The following HKDC1 variants were observed in gnomAD, a reference collection of about 807,000 sequenced individuals.
HKDC1 encodes hexokinase domain containing 1, also known as hexokinase HKDC1.
Under a neutral mutation model 96.6 loss-of-function variants are expected in HKDC1, and 66 were observed. The observed-to-expected ratio is 0.68, with a 90% CI of 0.56 to 0.84. The LOEUF is 0.84. Ranked by LOEUF, HKDC1 falls within the 40% of genes least tolerant of loss-of-function variation. The pLI, the probability that HKDC1 is intolerant of heterozygous loss-of-function variation, is 0.00. For synonymous variants in HKDC1, 466 were observed against 473.1 expected (o/e 0.98, Z 0.20); for missense variants, 1,211 against 1,208.1 (o/e 1.00, Z -0.04).
rs143074395 is a variant in HKDC1 at position 69,257,417 on chromosome 10, C to A, written c.2023C>A (p.Leu675Met). The change falls in exon 14 of 18, where the codon CTG becomes ATG. Residue 675 changes from leucine (L) to methionine (M), a missense_variant. Transcript: ENST00000354624. ...GYEDPNCEIG[L>M]IAGTGSNMCY... ...TGAAGATCCTAATTGTGAGATTGGC[C>A]TGATTGCAGGTAGGTGGTCAGGCAT... The A allele has an allele frequency of 4.9e-5, 79 of 1,611,674 alleles. No individual in the cohort carries two copies. The African/African-American group carries it at 9.1e-4, about 18-fold the overall frequency.
intron 15 of HKDC1, among the ~76,000 whole-genome samples, 164 bp from the exon 16 acceptor site, chr10:69,260,975 T>A (rs1158528215): frequency 6.6e-6 from 1 of 152,170 alleles, no homozygotes; most frequent in Non-Finnish European, 1.5e-5. Flanking sequence ...CTCCCTGTTT[T>A]GTAGATGATA....
chr10:69,244,765 G>A (rs942294775), intron 7 of HKDC1, among the ~76,000 whole-genome samples: 3 of 152,134 alleles, frequency 2.0e-5, no homozygotes, highest in Admixed American at 6.5e-5. Context: ...GGTCCAGGGT[G>A]CAGTAAGCTG....
intron 4 of HKDC1, 89 bp downstream of exon 4, chr10:69,233,222 A>T: frequency 6.6e-7 from 1 of 1,509,236 alleles, no homozygotes; most frequent in Non-Finnish European, 8.9e-7. Context: ...AGGAGAGAAC[A>T]GCAGGAGCTT....
At chr10:69,243,518 ATGGAG>A (rs1843489651) in intron 7 of HKDC1, among the ~76,000 whole-genome samples, 153 bp downstream of exon 7, 1 of 124,900 alleles carries the variant, frequency 8.0e-6, no homozygotes, top group Non-Finnish European at 1.6e-5. Flanking sequence ...TTTTTTTGAG[ATGGAG>A]TCTCACTCTC....
rs376146800 is a variant in HKDC1, at chr10:69,250,559, C to T, written c.1743C>T (p.Ile581=). 5.8e-5 allele frequency: 94 copies of T among 1,614,092 alleles called. No homozygotes were observed. Among genetic ancestry groups the T allele is most frequent in the African/African-American group, 3.3e-4 (25 of 75,036 alleles). The change falls in exon 12 of 18, where the codon ATC becomes ATT. Residue 581 remains isoleucine (I), a synonymous_variant. Coordinates refer to ENST00000354624, the MANE Select transcript of HKDC1 (RefSeq NM_025130.4). The part of the protein sequence containing the change: ...EELFDHIVQC[I]ADFLDYMGLK... ...TCTTTGATCACATTGTGCAGTGCAT[C>T]GCCGACTTCCTGGACTACATGGGCC... is the stretch of plus-strand genomic sequence containing the variant.
intron 16 of HKDC1, among the ~76,000 whole-genome samples, chr10:69,263,166 G>C (rs1843835982): frequency 6.6e-6 from 1 of 152,094 alleles, no homozygotes. Flanking sequence ...CCGGGTTCAA[G>C]TGATCCTCCC....
At position 69,253,767 on chromosome 10, in the gene HKDC1, C is replaced by T. The variant is rs576842000; in HGVS notation, c.1836+3115C>T. Among the ~76,000 whole-genome samples the T allele has an allele frequency of 1.4e-4, 21 of 152,308 alleles. No individual in the cohort carries two copies. The South Asian group carries it at 3.9e-3, about 29-fold the overall frequency. ...GTAATGGTGGTGAGGAAGGGGTGCACTGTCGCCAGGGCCTGACATCATAGC... is the reference window on the plus strand; with the variant it reads ...GTAATGGTGGTGAGGAAGGGGTGCATTGTCGCCAGGGCCTGACATCATAGC... On this transcript the variant is annotated intron_variant, in intron 12 of 17. Transcript: ENST00000354624.
chr10:69,221,425 C>T (rs902636017), intron 1 of HKDC1, among the ~76,000 whole-genome samples: 1 of 151,992 alleles, frequency 6.6e-6, no homozygotes, highest in Non-Finnish European at 1.5e-5. Flanking sequence ...TAAAATGAGC[C>T]CAGTCTGCTA....
At chr10:69,232,387 C>A in intron 2 of HKDC1, 1 of 212,550 alleles carries the variant, frequency 4.7e-6, no homozygotes, top group Non-Finnish European at 9.5e-6. Flanking sequence ...CCGAGTTTCC[C>A]CAGGCTGGGA....
intron 2 of HKDC1, among the ~76,000 whole-genome samples, chr10:69,230,679 T>C (rs995988211): frequency 6.6e-6 from 1 of 152,196 alleles, no homozygotes; most frequent in Admixed American, 6.5e-5. Flanking sequence ...AATGGAGCCA[T>C]CATAGATCAC....
intron 1 of HKDC1, among the ~76,000 whole-genome samples, chr10:69,221,953 G>A (rs1393617896): frequency 6.6e-6 from 1 of 152,004 alleles, no homozygotes; most frequent in Non-Finnish European, 1.5e-5. Flanking sequence ...CAAGGATGGT[G>A]GCTCATACCT....
intron 2 of HKDC1, among the ~76,000 whole-genome samples, chr10:69,230,017 G>A (rs1214613368): frequency 2.6e-5 from 4 of 152,140 alleles, no homozygotes; most frequent in Admixed American, 6.6e-5. Context: ...ATTCCTTATG[G>A]TGTCCGTTTC....
At chr10:69,226,019 G>A (rs1843150386) in intron 1 of HKDC1, 3 of 152,160 alleles carry the variant, frequency 2.0e-5, no homozygotes, top group Non-Finnish European at 2.9e-5. Flanking sequence ...TATAAAAACA[G>A]GGCTGGAAAG....
At chr10:69,248,341 A>C in intron 9 of HKDC1, 83 bp from the exon 10 acceptor site, 1 of 1,401,006 alleles carries the variant, frequency 7.1e-7, no homozygotes, top group Non-Finnish European at 9.6e-7. Flanking sequence ...GCCCTCCGGG[A>C]CTGGGTTTAC....
At chr10:69,261,019 A>G in intron 15 of HKDC1, 120 bp from the exon 16 acceptor site, 2 of 823,472 alleles carry the variant, frequency 2.4e-6, no homozygotes. Context: ...AGCAGCTAGT[A>G]TGTGGCAGAG....
At chr10:69,256,714 A>AAAAG (rs1320334425) in intron 12 of HKDC1, among the ~76,000 whole-genome samples, 2 of 152,126 alleles carry the variant, frequency 1.3e-5, no homozygotes, top group Admixed American at 6.5e-5. Flanking sequence ...CTCAAAAAAA[A>AAAAG]AAAGAAAGAA....
At position 69,243,344 on chromosome 10, in the gene HKDC1, C is replaced by G; in HGVS notation, c.854C>G (p.Ser285Cys). Reference protein sequence around the residue: ...TEFDRELDLGSLNPGKQLFEK... With the variant: ...TEFDRELDLGCLNPGKQLFEK... ...TTCGACAGGGAGCTGGACCTCGGCT[C>G]TCTCAACCCAGGAAAGCAACTGTGA... Residue 285 changes from serine (S) to cysteine (C), a missense_variant, in exon 7 of 18, where the codon TCT becomes TGT. Ser to Cys is a moderately radical substitution (Grantham distance 112). Coordinates refer to ENST00000354624, the MANE Select transcript of HKDC1 (RefSeq NM_025130.4). 1 of 1,596,174 alleles carries G rather than the reference C, an allele frequency of 6.3e-7. No individual in the cohort carries two copies. Among genetic ancestry groups the G allele is most frequent in the South Asian group, 1.1e-5 (1 of 88,124 alleles).
intron 2 of HKDC1, chr10:69,232,485 A>C: frequency 2.3e-6 from 1 of 435,844 alleles, no homozygotes; most frequent in Non-Finnish European, 4.2e-6. Flanking sequence ...GGCTGTGCTC[A>C]CATTTGCCCT....
At chr10:69,247,792 G>A (rs753313450) in intron 9 of HKDC1, among the ~76,000 whole-genome samples, 199 bp downstream of exon 9, 16 of 152,200 alleles carry the variant, frequency 1.1e-4, no homozygotes, top group Non-Finnish European at 2.4e-4. Flanking sequence ...TACTCTTAAA[G>A]AAATATTCTG....
Sources: gnomAD v4.1 joint callset for allele counts (sites outside exome capture counted in the v4.1 genomes callset) on GRCh38, gnomAD v4.1.1 for gene constraint, MANE v1.5 for transcripts, NCBI Gene and HGNC (gene_info 2026-07-23, HGNC 2026-07-21) for gene names.